CTNND2: variants seen among roughly 807,000 people sequenced by gnomAD.
CTNND2 encodes the protein catenin delta 2, also known as catenin delta-2.
A neutral mutation model predicts 144.4 loss-of-function variants in CTNND2; 22 were observed. The observed-to-expected ratio is 0.15, with a 90% CI of 0.11 to 0.22. CTNND2 has a LOEUF of 0.22. CTNND2 is among the 10% of genes least tolerant of loss of function. The probability of loss-of-function intolerance (pLI) is 1.00; values close to 1 mark genes in which losing one functional copy is unlikely to be tolerated. For missense variants in CTNND2, 1,353 were observed against 1,618.8 expected, an observed-to-expected ratio of 0.84 and a Z score of 2.82; for synonymous variants, 751 against 695.6, an observed-to-expected ratio of 1.08 and a Z score of -1.25.
intron 1 of CTNND2, among the ~76,000 whole-genome samples, chr5:11,863,410 C>T (rs1020285032): frequency 6.6e-6 from 1 of 152,128 alleles, no homozygotes; most frequent in East Asian, 1.9e-4. Context: ...ACAATAGCTT[C>T]CTTAGCTTAG....
chr5:11,755,344 C>T (rs1011828384), intron 1 of CTNND2, among the ~76,000 whole-genome samples: 1 of 151,696 alleles, frequency 6.6e-6, no homozygotes, highest in Non-Finnish European at 1.5e-5. Flanking sequence ...TTGTGGATGA[C>T]CTGTAACTTC....
chr5:11,393,056 T>C (rs1759772608), intron 6 of CTNND2, among the ~76,000 whole-genome samples: 1 of 152,206 alleles, frequency 6.6e-6, no homozygotes, highest in African/African-American at 2.4e-5. Context: ...CCAAACACAA[T>C]GAACACACTT....
At chr5:11,497,314 G>A (rs572341110) in intron 3 of CTNND2, among the ~76,000 whole-genome samples, 3 of 151,864 alleles carry the variant, frequency 2.0e-5, no homozygotes, top group African/African-American at 7.2e-5. Flanking sequence ...GAGGTCTAAT[G>A]TGAAAGGTGG....
At chr5:11,025,747 A>G (rs1742755634) in intron 16 of CTNND2, among the ~76,000 whole-genome samples, 1 of 152,202 alleles carries the variant, frequency 6.6e-6, no homozygotes, top group African/African-American at 2.4e-5. Context: ...AACTCAAGGT[A>G]GTGTGCTTCT....
chr5:11,184,653 T>C (rs1465143928), intron 11 of CTNND2, among the ~76,000 whole-genome samples: 1 of 152,216 alleles, frequency 6.6e-6, no homozygotes, highest in East Asian at 1.9e-4. Context: ...GTCATTTGCA[T>C]AGTAGATTAA....
At chr5:11,447,071 A>G (rs1764879352) in intron 3 of CTNND2, among the ~76,000 whole-genome samples, 1 of 152,086 alleles carries the variant, frequency 6.6e-6, no homozygotes, top group African/African-American at 2.4e-5. Flanking sequence ...AACAACAACA[A>G]AAGTCCCTTC....
Position 11,372,893 on chromosome 5 carries a change from C to T in CTNND2, c.1178-8003G>A, listed in dbSNP as rs568913161. 3.2e-4 allele frequency among the ~76,000 whole-genome samples: 49 copies of T among 152,290 alleles called. 1 individual carries two copies. The South Asian group carries it at 4.4e-3, about 14-fold the overall frequency. On this transcript the variant is annotated intron_variant, in intron 7 of 21. Transcript: ENST00000304623. ...ATACATATCTGGTCTCTAGGAGCCC[C>T]GGAGACAGACCATCAATGCCGTGGT...
chr5:11,816,587 G>A (rs1235459653), intron 1 of CTNND2, among the ~76,000 whole-genome samples: 1 of 140,776 alleles, frequency 7.1e-6, no homozygotes. Flanking sequence ...GAAGCCAAGT[G>A]CAGAGCAGGT....
intron 9 of CTNND2, among the ~76,000 whole-genome samples, chr5:11,332,256 C>T (rs1294079559): frequency 7.3e-6 from 1 of 137,462 alleles, no homozygotes; most frequent in Middle Eastern, 3.7e-3. Context: ...CCCTGGGCAA[C>T]AAGAGCTAAA....
chr5:11,585,320 G>A (rs1344430804), intron 2 of CTNND2, among the ~76,000 whole-genome samples: 1 of 152,190 alleles, frequency 6.6e-6, no homozygotes, highest in East Asian at 1.9e-4. Flanking sequence ...AGAATACGGG[G>A]TTGCAAGTGA....
chr5:11,553,459 C>G (rs1775945674), intron 3 of CTNND2, among the ~76,000 whole-genome samples: 1 of 152,182 alleles, frequency 6.6e-6, no homozygotes, highest in African/African-American at 2.4e-5. Flanking sequence ...GGAAAATACA[C>G]ATGATTCACT....
chr5:11,850,587 C>T (rs1355777517), intron 1 of CTNND2, among the ~76,000 whole-genome samples: 1 of 152,108 alleles, frequency 6.6e-6, no homozygotes, highest in Non-Finnish European at 1.5e-5. Flanking sequence ...AAAAATATTT[C>T]TTAAAAAATA....
chr5:11,440,671 A>G (rs1256800202), intron 3 of CTNND2, among the ~76,000 whole-genome samples: 2 of 152,230 alleles, frequency 1.3e-5, no homozygotes, highest in East Asian at 3.8e-4. Context: ...ATTATAAAAT[A>G]TATGTATCAG....
chr5:11,280,251 C>T (rs973360704), intron 9 of CTNND2, among the ~76,000 whole-genome samples: 1 of 152,104 alleles, frequency 6.6e-6, no homozygotes, highest in Non-Finnish European at 1.5e-5. Context: ...GTGTTAATAC[C>T]AACCTACTAA....
At chr5:11,004,567 C>G (rs1160159219) in intron 18 of CTNND2, among the ~76,000 whole-genome samples, 6 of 152,098 alleles carry the variant, frequency 3.9e-5, no homozygotes, top group Admixed American at 6.6e-5. Context: ...AGTTTGAGAT[C>G]AGCCTCAGCA....
intron 16 of CTNND2, among the ~76,000 whole-genome samples, chr5:11,067,906 ACTCT>A (rs766962143): frequency 1.4e-4 from 22 of 151,966 alleles, no homozygotes; most frequent in Non-Finnish European, 2.5e-4. Context: ...TAATATTCCT[ACTCT>A]CTCTATATAT....
At chr5:11,463,313 T>A (rs548271900) in intron 3 of CTNND2, among the ~76,000 whole-genome samples, 1 of 152,222 alleles carries the variant, frequency 6.6e-6, no homozygotes, top group Non-Finnish European at 1.5e-5. Context: ...GTTATATAAA[T>A]ATGCAAATGT....
At chr5:11,312,334 C>T (rs756589412) in intron 9 of CTNND2, among the ~76,000 whole-genome samples, 3 of 151,672 alleles carry the variant, frequency 2.0e-5, no homozygotes, top group Non-Finnish European at 2.9e-5. Context: ...AAAGACATAC[C>T]CAAGACTGGG....
chr5:11,271,261 C>A (rs1179464883), intron 9 of CTNND2, among the ~76,000 whole-genome samples: 1 of 152,166 alleles, frequency 6.6e-6, no homozygotes, highest in East Asian at 1.9e-4. Context: ...TAATGGATCA[C>A]AACCTGTAGT....
Sources: gnomAD v4.1 joint callset for allele counts (sites outside exome capture counted in the v4.1 genomes callset) on GRCh38, gnomAD v4.1.1 for gene constraint, MANE v1.5 for transcripts, NCBI Gene and HGNC (gene_info 2026-07-23, HGNC 2026-07-21) for gene names.